The following KDM4C variants were observed in gnomAD, a reference collection of about 807,000 sequenced individuals.
KDM4C encodes lysine-specific demethylase 4C.
KDM4C carries 81 observed loss-of-function variants against 129.3 expected under a neutral mutation model. The ratio of observed to expected loss-of-function variants is 0.63; its 90% CI spans 0.52 to 0.75. The LOEUF is 0.75. Ranked by LOEUF, KDM4C falls within the 30% of genes least tolerant of loss-of-function variation. KDM4C has a pLI of 0.00. For missense variants in KDM4C, 1,457 were observed against 1,304.0 expected (o/e 1.12, Z -1.81); for synonymous variants, 573 against 456.1 (o/e 1.26, Z -3.26).
chr9:7,042,560 G>A (rs1445847719), intron 15 of KDM4C, among the ~76,000 whole-genome samples: 1 of 152,008 alleles, frequency 6.6e-6, no homozygotes, highest in Non-Finnish European at 1.5e-5. Context: ...ATTGTGTTTT[G>A]AAAAGGAGTT....
chr9:6,786,200 G>A (rs1443282461), intron 1 of KDM4C, among the ~76,000 whole-genome samples: 1 of 152,120 alleles, frequency 6.6e-6, no homozygotes, highest in East Asian at 1.9e-4. Context: ...ATTACATTTG[G>A]CCGGAAAGCA....
Position 7,064,127 on chromosome 9 carries a change from A to G in KDM4C, c.2424+14927A>G, listed in dbSNP as rs149276474. Among the ~76,000 whole-genome samples the G allele has an allele frequency of 2.1e-3, 323 of 152,314 alleles. 3 individuals are homozygous for G. The highest frequency in any genetic ancestry group is 7.1e-3 in the African/African-American group (297 of 41,552). ...TAAAAACTGAAGCACTTTAGATACAACTATAGTTTTGGTAGGCCTACCTTT... is the reference window on the plus strand; with the variant it reads ...TAAAAACTGAAGCACTTTAGATACAGCTATAGTTTTGGTAGGCCTACCTTT... On this transcript the variant is annotated intron_variant, in intron 17 of 21. Transcript: ENST00000381309.
intron 1 of KDM4C, among the ~76,000 whole-genome samples, chr9:6,778,657 C>G (rs1310729184): frequency 1.3e-5 from 2 of 151,700 alleles, no homozygotes; most frequent in East Asian, 4.0e-4. Context: ...ATCCCAGCTA[C>G]TTGGGAGGCT....
chr9:6,964,485 T>C (rs2131628069), intron 8 of KDM4C, among the ~76,000 whole-genome samples: 1 of 152,308 alleles, frequency 6.6e-6, no homozygotes, highest in Non-Finnish European at 1.5e-5. Flanking sequence ...TAATCCAGTC[T>C]ATCATTGATG....
intron 4 of KDM4C, among the ~76,000 whole-genome samples, chr9:6,839,426 G>T (rs1256031926): frequency 7.1e-6 from 1 of 140,834 alleles, no homozygotes; most frequent in East Asian, 2.1e-4. Flanking sequence ...TTCTGGTAGA[G>T]ATAGGGTCCC....
intron 19 of KDM4C, among the ~76,000 whole-genome samples, chr9:7,131,345 G>C (rs1840613720): frequency 6.6e-6 from 1 of 152,114 alleles, no homozygotes; most frequent in South Asian, 2.1e-4. Context: ...GCTCACTATT[G>C]CTGACTCTAT....
At chr9:6,911,415 G>C (rs1819283274) in intron 8 of KDM4C, among the ~76,000 whole-genome samples, 1 of 152,222 alleles carries the variant, frequency 6.6e-6, no homozygotes, top group Non-Finnish European at 1.5e-5. Context: ...AATTGCATCT[G>C]ATATTTGTAA....
At chr9:7,004,418 C>G (rs1036684605) in intron 12 of KDM4C, among the ~76,000 whole-genome samples, 4 of 152,122 alleles carry the variant, frequency 2.6e-5, no homozygotes, top group Non-Finnish European at 5.9e-5. Flanking sequence ...AGACATTTAA[C>G]CTTTTAAATA....
At chr9:6,945,094 C>CA (rs1474756411) in intron 8 of KDM4C, among the ~76,000 whole-genome samples, 1 of 152,162 alleles carries the variant, frequency 6.6e-6, no homozygotes, top group African/African-American at 2.4e-5. Context: ...TACACAGCCA[C>CA]AGACATACCT....
chr9:6,810,510 G>A (rs1029530502), intron 3 of KDM4C, among the ~76,000 whole-genome samples: 6 of 152,060 alleles, frequency 3.9e-5, no homozygotes, highest in African/African-American at 1.4e-4. Flanking sequence ...TTTTTTTTAA[G>A]TTGTAAAATG....
intron 2 of KDM4C, among the ~76,000 whole-genome samples, chr9:6,796,793 A>C (rs1286879906): frequency 6.6e-6 from 1 of 152,194 alleles, no homozygotes; most frequent in African/African-American, 2.4e-5. Context: ...CATTTTTGCC[A>C]TCTTTGACGT....
chr9:6,992,443 C>T (rs1685571645), intron 12 of KDM4C, among the ~76,000 whole-genome samples: 1 of 152,138 alleles, frequency 6.6e-6, no homozygotes, highest in Admixed American at 6.5e-5. Context: ...TCTTTCCTTT[C>T]TAATATGTTA....
intron 5 of KDM4C, among the ~76,000 whole-genome samples, chr9:6,869,703 A>G (rs745437529): frequency 2.0e-5 from 3 of 152,188 alleles, no homozygotes; most frequent in Non-Finnish European, 4.4e-5. Flanking sequence ...GTGGGCCGCC[A>G]TTCCCTCCCT....
intron 19 of KDM4C, among the ~76,000 whole-genome samples, chr9:7,147,404 T>G (rs1842315885): frequency 6.6e-6 from 1 of 152,216 alleles, no homozygotes; most frequent in Non-Finnish European, 1.5e-5. Context: ...CCTTTCATCT[T>G]TCTTTTTTTA....
chr9:6,959,216 T>C (rs1791445337), intron 8 of KDM4C, among the ~76,000 whole-genome samples: 1 of 152,152 alleles, frequency 6.6e-6, no homozygotes, highest in Admixed American at 6.5e-5. Context: ...TTCTTCATGG[T>C]TTTATCGTCT....
At chr9:6,823,536 C>G (rs1833382811) in intron 4 of KDM4C, among the ~76,000 whole-genome samples, 1 of 152,172 alleles carries the variant, frequency 6.6e-6, no homozygotes, top group African/African-American at 2.4e-5. Context: ...CTATCTCACA[C>G]TGTTGTTGGA....
At chr9:7,007,362 C>T (rs1218597897) in intron 12 of KDM4C, among the ~76,000 whole-genome samples, 1 of 152,158 alleles carries the variant, frequency 6.6e-6, no homozygotes, top group East Asian at 1.9e-4. Context: ...GGCTCACTGA[C>T]TGAGGAAGAA....
intron 9 of KDM4C, among the ~76,000 whole-genome samples, chr9:6,983,344 T>C (rs896655941): frequency 1.3e-5 from 2 of 152,172 alleles, no homozygotes; most frequent in East Asian, 3.8e-4. Context: ...GTAAAAAGCA[T>C]ATATGCCAAA....
chr9:6,741,676 C>CTTTTTTTTTTTTT (rs71315557), intron 1 of KDM4C, among the ~76,000 whole-genome samples: 1 of 94,074 alleles, frequency 1.1e-5, no homozygotes, highest in African/African-American at 4.2e-5. Context: ...GGTGGCAGCT[C>CTTTTTTTTTTTTT]TTTTTTTTTT....
Sources: allele counts gnomAD v4.1 joint callset (sites outside exome capture counted in the v4.1 genomes callset), GRCh38; gene constraint gnomAD v4.1.1; transcripts MANE v1.5; gene names NCBI Gene and HGNC (gene_info 2026-07-23, HGNC 2026-07-21).